Variants in OXSR1 observed in about 807,000 individuals in gnomAD.
OXSR1 encodes oxidative stress responsive kinase 1.
OXSR1 carries 24 observed loss-of-function variants against 79.8 expected under a neutral mutation model. The ratio of observed to expected loss-of-function variants is 0.30; its 90% CI spans 0.22 to 0.42. The LOEUF (loss-of-function observed/expected upper bound fraction) is 0.42. Among genes scored for constraint, OXSR1 ranks in the 10% least tolerant of loss-of-function variants. The probability of loss-of-function intolerance (pLI) is 1.00; values close to 1 mark genes in which losing one functional copy is unlikely to be tolerated. For missense variants in OXSR1, 430 were observed against 618.4 expected (o/e 0.70, Z 3.23); for synonymous variants, 226 against 209.2 (o/e 1.08, Z -0.69).
chr3:38,164,918 G>A (rs1488873362), upstream of OXSR1, among the ~76,000 whole-genome samples: 2 of 152,114 alleles, frequency 1.3e-5, no homozygotes, highest in Admixed American at 1.3e-4. Flanking sequence ...GTGGCCCAAG[G>A]CCTTTTATCC....
intron 11 of OXSR1, among the ~76,000 whole-genome samples, chr3:38,239,671 C>T (rs184068599): frequency 2.6e-5 from 4 of 152,322 alleles, no homozygotes; most frequent in East Asian, 1.9e-4. Context: ...CACATGCACT[C>T]GTTGATAAGT....
chr3:38,245,830 A>G (rs944637776), intron 12 of OXSR1, among the ~76,000 whole-genome samples: 3 of 152,192 alleles, frequency 2.0e-5, no homozygotes, highest in Non-Finnish European at 1.5e-5. Flanking sequence ...AAATCGCCAA[A>G]TTGTACAGTT....
chr3:38,223,187 G>A (rs890620497), intron 6 of OXSR1, among the ~76,000 whole-genome samples: 1 of 152,126 alleles, frequency 6.6e-6, no homozygotes, highest in Non-Finnish European at 1.5e-5. Context: ...CCAGTCTGGA[G>A]TGCAGTGGTG....
chr3:38,232,808 T>G (rs1245178669), intron 10 of OXSR1, among the ~76,000 whole-genome samples: 1 of 151,762 alleles, frequency 6.6e-6, no homozygotes, highest in African/African-American at 2.4e-5. Flanking sequence ...AAACCTCTAG[T>G]GGACAAAAAA....
At chr3:38,193,667 T>G (rs996611384) in intron 3 of OXSR1, among the ~76,000 whole-genome samples, 1 of 151,696 alleles carries the variant, frequency 6.6e-6, no homozygotes, top group African/African-American at 2.4e-5. Flanking sequence ...AGTATATGTC[T>G]TGATCATAGA....
intron 10 of OXSR1, 192 bp downstream of exon 10, chr3:38,230,622 A>G (rs1017011717): frequency 2.3e-5 from 12 of 511,612 alleles, no homozygotes; most frequent in African/African-American, 5.9e-5. Flanking sequence ...TTACTCTGCT[A>G]TCTTTTAGGA....
intron 4 of OXSR1, among the ~76,000 whole-genome samples, chr3:38,210,675 A>G (rs1205135349): frequency 6.6e-6 from 1 of 152,116 alleles, no homozygotes; most frequent in Middle Eastern, 3.2e-3. Context: ...CTCCAGCAAT[A>G]GTCTTCTGCT....
At chr3:38,188,750 C>A (rs1198350810) in intron 2 of OXSR1, among the ~76,000 whole-genome samples, 1 of 152,186 alleles carries the variant, frequency 6.6e-6, no homozygotes, top group African/African-American at 2.4e-5. Context: ...AACCTACTTA[C>A]CTTTCCTGTT....
At chr3:38,193,024 T>G (rs1702010640) in intron 3 of OXSR1, among the ~76,000 whole-genome samples, 1 of 152,222 alleles carries the variant, frequency 6.6e-6, no homozygotes, top group East Asian at 1.9e-4. Context: ...TTTCAGTTTT[T>G]CTACTTAGCA....
At chr3:38,209,703 C>T (rs1296188661) in intron 4 of OXSR1, among the ~76,000 whole-genome samples, 9 of 149,898 alleles carry the variant, frequency 6.0e-5, no homozygotes, top group Admixed American at 1.3e-4. Context: ...GGCGCAATCT[C>T]GGCTCACTGT....
intron 7 of OXSR1, among the ~76,000 whole-genome samples, chr3:38,224,165 C>G (rs898659773): frequency 6.6e-6 from 1 of 152,194 alleles, no homozygotes; most frequent in African/African-American, 2.4e-5. Context: ...AATAGTAACT[C>G]TTGATTCCCA....
At chr3:38,179,290 G>A (rs563769540) in intron 1 of OXSR1, among the ~76,000 whole-genome samples, 8 of 151,780 alleles carry the variant, frequency 5.3e-5, no homozygotes, top group Admixed American at 2.0e-4. Context: ...TTGGCCTCCC[G>A]AAGTGCTGGG....
At chr3:38,229,350 T>A (rs897816051) in intron 8 of OXSR1, among the ~76,000 whole-genome samples, 1 of 151,808 alleles carries the variant, frequency 6.6e-6, no homozygotes, top group Admixed American at 6.6e-5. Flanking sequence ...CTAGCTTACT[T>A]ATTGGGAAAT....
chr3:38,179,596 A>C (rs1436225159), intron 1 of OXSR1, among the ~76,000 whole-genome samples: 2 of 152,174 alleles, frequency 1.3e-5, no homozygotes, highest in Non-Finnish European at 2.9e-5. Context: ...ACTCCAAAAG[A>C]AACAATGTAC....
chr3:38,190,914 T>C, intron 3 of OXSR1, 75 bp downstream of exon 3: 1 of 809,522 alleles, frequency 1.2e-6, no homozygotes, highest in Non-Finnish European at 2.1e-6. Context: ...TTTTCTATCC[T>C]GATTTCGTTT....
At position 38,253,043 on chromosome 3, in the gene OXSR1, C is replaced by T. The variant is rs914737289; in HGVS notation, c.*152C>T. 1.1e-5 allele frequency: 7 copies of T among 618,630 alleles called. No individual in the cohort carries two copies. Among genetic ancestry groups the T allele is most frequent in the African/African-American group, 1.9e-5 (1 of 53,846 alleles). 38.3% of individuals were successfully genotyped at this position (618,630 alleles called of 1,614,324 possible). ...TCTTTATGTTCTTCCTGCCATCATT[C>T]CTCCTTTTCCCACAGGGAAAGAAAA... is the stretch of plus-strand genomic sequence containing the variant. On this transcript the variant is annotated 3_prime_UTR_variant, in exon 18 of 18. Transcript: ENST00000311806.
intron 5 of OXSR1, among the ~76,000 whole-genome samples, chr3:38,219,684 T>C (rs1201655658): frequency 1.3e-5 from 2 of 152,194 alleles, no homozygotes; most frequent in African/African-American, 2.4e-5. Flanking sequence ...CCCCTTCATA[T>C]GCACTTCAAA....
intron 4 of OXSR1, among the ~76,000 whole-genome samples, chr3:38,199,770 G>A (rs187823292): frequency 1.3e-5 from 2 of 152,288 alleles, no homozygotes; most frequent in East Asian, 1.9e-4. Context: ...ATCTATGGGA[G>A]TGGAGTGGAT....
chr3:38,236,530 C>CTT (rs1023244592), intron 10 of OXSR1: 42 of 166,262 alleles, frequency 2.5e-4, no homozygotes, highest in Non-Finnish European at 4.1e-4. Context: ...CCCAAAACCT[C>CTT]TTTTTTTTTT....
Sources: gnomAD v4.1 joint callset for allele counts (sites outside exome capture counted in the v4.1 genomes callset) on GRCh38, gnomAD v4.1.1 for gene constraint, MANE v1.5 for transcripts, NCBI Gene and HGNC (gene_info 2026-07-23, HGNC 2026-07-21) for gene names.